The following ARHGEF7 variants were observed in gnomAD, a reference collection of about 807,000 sequenced individuals.
ARHGEF7 encodes Rho guanine nucleotide exchange factor 7, also known as PAK-interacting exchange factor beta.
In ARHGEF7, 33 loss-of-function variants were observed where a neutral mutation model predicts 109.8. The observed-to-expected ratio is 0.30, with a 90% CI of 0.23 to 0.40. The LOEUF is 0.40. Among genes scored for constraint, ARHGEF7 ranks in the 10% least tolerant of loss-of-function variants. ARHGEF7 has a pLI of 1.00. For missense variants in ARHGEF7, 938 were observed against 1,098.5 expected, an observed-to-expected ratio of 0.85 and a Z score of 2.07; for synonymous variants, 458 against 424.6, an observed-to-expected ratio of 1.08 and a Z score of -0.97.
intron 2 of ARHGEF7, among the ~76,000 whole-genome samples, chr13:111,164,050 G>C (rs1015356371): frequency 2.0e-5 from 3 of 146,482 alleles, no homozygotes; most frequent in African/African-American, 7.4e-5. Flanking sequence ...CGTATTGCGT[G>C]TTGCGTTTGG....
intron 17 of ARHGEF7, 84 bp downstream of exon 17, chr13:111,286,324 G>C: frequency 8.6e-7 from 1 of 1,160,872 alleles, no homozygotes; most frequent in Non-Finnish European, 1.3e-6. Flanking sequence ...GGGAGGCTTG[G>C]TGGCTTTCTG....
In ARHGEF7 at chr13:111,115,585, C is replaced by A; in HGVS notation, c.59C>A (p.Pro20His). 7.0e-7 allele frequency: 1 copy of A among 1,426,758 alleles called. No homozygotes were observed. Among genetic ancestry groups the A allele is most frequent in the South Asian group, 1.3e-5 (1 of 74,766 alleles). 88.4% of individuals were successfully genotyped at this position (1,426,758 alleles called of 1,614,324 possible). Reference sequence around the variant, plus strand: ...ATCACTCTGGGGGTGCTGGAGTCGCCCAAAAAAACCATCTCGGACCCGGAG... The same window carrying A: ...ATCACTCTGGGGGTGCTGGAGTCGCACAAAAAAACCATCTCGGACCCGGAG... ...WLITLGVLES[P>H]KKTISDPEGF... Residue 20 changes from proline (P) to histidine (H), a missense_variant, in exon 1 of 22, where the codon CCC becomes CAC. Physicochemically the swap from Pro to His is moderately conservative, Grantham distance 77. Transcript: ENST00000646102.
intron 2 of ARHGEF7, among the ~76,000 whole-genome samples, chr13:111,189,850 G>A (rs545660587): frequency 2.4e-4 from 36 of 152,318 alleles, no homozygotes; most frequent in Admixed American, 2.1e-3. Flanking sequence ...TAGACACAGA[G>A]TGCTTATTGG....
chr13:111,157,142 G>T (rs771462476), intron 2 of ARHGEF7, among the ~76,000 whole-genome samples: 1 of 152,052 alleles, frequency 6.6e-6, no homozygotes, highest in Non-Finnish European at 1.5e-5. Context: ...TGTGTGAGTC[G>T]CATTTATTGG....
intron 2 of ARHGEF7, among the ~76,000 whole-genome samples, chr13:111,183,343 C>CTT (rs59647451): frequency 1.0e-4 from 15 of 145,304 alleles, no homozygotes; most frequent in African/African-American, 2.8e-4. Flanking sequence ...GTATTGGCAC[C>CTT]TTTTTTTTTT....
intron 1 of ARHGEF7, chr13:111,144,765 G>A (rs1195510803): frequency 1.3e-5 from 2 of 152,228 alleles, no homozygotes; most frequent in Non-Finnish European, 2.9e-5. Context: ...CTTGAGGACT[G>A]TTTTGTGACG....
intron 5 of ARHGEF7, among the ~76,000 whole-genome samples, chr13:111,219,561 C>T (rs537495347): frequency 2.0e-5 from 3 of 152,016 alleles, no homozygotes; most frequent in South Asian, 2.1e-4. Context: ...GGAACTGCCA[C>T]GTGGTTTTCC....
chr13:111,120,493 G>A (rs2067123000), intron 1 of ARHGEF7, among the ~76,000 whole-genome samples: 1 of 150,626 alleles, frequency 6.6e-6, no homozygotes, highest in Non-Finnish European at 1.5e-5. Context: ...ACAGACACAT[G>A]CGTGTACATA....
At chr13:111,292,604 G>T (rs770782234) in intron 19 of ARHGEF7, 137 of 1,242,730 alleles carry the variant, frequency 1.1e-4, no homozygotes, top group Non-Finnish European at 1.3e-4. Context: ...GCTCCAAATG[G>T]TTTTTTTATT....
chr13:111,197,015 G>A (rs2080588334), intron 2 of ARHGEF7, among the ~76,000 whole-genome samples: 1 of 152,156 alleles, frequency 6.6e-6, no homozygotes, highest in Non-Finnish European at 1.5e-5. Context: ...GGCTTAGGAT[G>A]CATTTCAAGG....
At chr13:111,283,700 T>A (rs1180973020) in intron 16 of ARHGEF7, among the ~76,000 whole-genome samples, 1 of 152,212 alleles carries the variant, frequency 6.6e-6, no homozygotes, top group East Asian at 1.9e-4. Flanking sequence ...AGGCCATCGC[T>A]CAGCATCTGC....
chr13:111,169,476 A>G (rs1284830185), intron 2 of ARHGEF7, among the ~76,000 whole-genome samples: 1 of 152,132 alleles, frequency 6.6e-6, no homozygotes, highest in Non-Finnish European at 1.5e-5. Flanking sequence ...CCTTGAAACA[A>G]CCATATCTCA....
In ARHGEF7 at chr13:111,172,798, C is replaced by T. The variant is rs114636253; in HGVS notation, c.252+18807C>T. Among the ~76,000 whole-genome samples, 303 of 152,236 alleles carry T rather than the reference C, an allele frequency of 2.0e-3. 1 individual carries two copies. Among genetic ancestry groups the T allele is most frequent in the African/African-American group, 7.0e-3 (290 of 41,548 alleles). ...CAGACCTCTGTCACAATTATTCTGC[C>T]GTTGTTGTGCGACAGCAGCCAGAGT... is the stretch of plus-strand genomic sequence containing the variant. On this transcript the variant is annotated intron_variant, in intron 2 of 21. Transcript: ENST00000646102.
At chr13:111,277,776 G>A in intron 13 of ARHGEF7, 103 bp downstream of exon 13, 3 of 797,384 alleles carry the variant, frequency 3.8e-6, no homozygotes, top group Non-Finnish European at 6.3e-6. Context: ...CTGTGTATGT[G>A]CTGTGTGTGT....
At chr13:111,119,145 C>T (rs917798900) in intron 1 of ARHGEF7, among the ~76,000 whole-genome samples, 2 of 152,188 alleles carry the variant, frequency 1.3e-5, no homozygotes, top group Non-Finnish European at 2.9e-5. Flanking sequence ...CACATGATGT[C>T]CGTGCTGTGG....
intron 21 of ARHGEF7, among the ~76,000 whole-genome samples, chr13:111,302,598 C>T (rs961392941): frequency 5.3e-5 from 8 of 152,224 alleles, no homozygotes; most frequent in Admixed American, 6.5e-5. Context: ...TGCTCGCCCA[C>T]TTGCTCCTGC....
intron 8 of ARHGEF7, among the ~76,000 whole-genome samples, chr13:111,259,680 A>G (rs1057085842): frequency 4.6e-5 from 7 of 152,212 alleles, no homozygotes; most frequent in African/African-American, 9.6e-5. Context: ...TGTGAAGACT[A>G]CAATAAACAC....
chr13:111,297,144 C>G (rs2093445539), intron 19 of ARHGEF7, among the ~76,000 whole-genome samples: 1 of 152,172 alleles, frequency 6.6e-6, no homozygotes, highest in African/African-American at 2.4e-5. Flanking sequence ...GTAAACCTGG[C>G]TAGAGAACAT....
chr13:111,168,852 A>G (rs2077345951), intron 2 of ARHGEF7, among the ~76,000 whole-genome samples: 1 of 152,226 alleles, frequency 6.6e-6, no homozygotes, highest in Non-Finnish European at 1.5e-5. Flanking sequence ...TCGCCAGTGA[A>G]GTGTTTATGG....
Sources: gnomAD v4.1 joint callset for allele counts (sites outside exome capture counted in the v4.1 genomes callset) on GRCh38, gnomAD v4.1.1 for gene constraint, MANE v1.5 for transcripts, NCBI Gene and HGNC (gene_info 2026-07-23, HGNC 2026-07-21) for gene names.